QKI: variants seen among roughly 807,000 people sequenced by gnomAD.
The protein encoded by QKI is KH domain-containing RNA-binding protein QKI.
QKI carries 10 observed loss-of-function variants against 39.0 expected under a neutral mutation model. The observed-to-expected ratio is 0.26, with a 90% CI of 0.16 to 0.43. The LOEUF is 0.43. Among genes scored for constraint, QKI ranks in the 20% least tolerant of loss-of-function variants. The probability of loss-of-function intolerance (pLI) is 1.00; values close to 1 mark genes in which losing one functional copy is unlikely to be tolerated. For missense variants in QKI, 218 were observed against 428.0 expected, an observed-to-expected ratio of 0.51 and a Z score of 4.33; for synonymous variants, 204 against 155.4, an observed-to-expected ratio of 1.31 and a Z score of -2.33.
chr6:163,567,453 G>A, intron 7 of QKI: 1 of 985,022 alleles, frequency 1.0e-6, no homozygotes, highest in Non-Finnish European at 1.2e-6. Context: ...GTCATTTGCT[G>A]CTAAAATATA....
At chr6:163,510,829 A>T (rs1451820744) in intron 3 of QKI, among the ~76,000 whole-genome samples, 2 of 150,860 alleles carry the variant, frequency 1.3e-5, no homozygotes, top group East Asian at 3.9e-4. Flanking sequence ...AGGCAGAAAT[A>T]GTTCCACAAT....
intron 4 of QKI, among the ~76,000 whole-genome samples, chr6:163,549,726 A>C (rs930947394): frequency 6.6e-6 from 1 of 152,168 alleles, no homozygotes; most frequent in Non-Finnish European, 1.5e-5. Context: ...AAACAAACAA[A>C]ACAAAAACAT....
At chr6:163,566,861 C>T in intron 7 of QKI, 66 bp downstream of exon 7, 1 of 1,576,800 alleles carries the variant, frequency 6.3e-7, no homozygotes, top group Non-Finnish European at 8.6e-7. Flanking sequence ...TTTGCAACAC[C>T]ACACCTGATG....
intron 4 of QKI, among the ~76,000 whole-genome samples, chr6:163,552,954 C>A (rs1012088555): frequency 6.6e-6 from 1 of 151,918 alleles, no homozygotes; most frequent in Non-Finnish European, 1.5e-5. Flanking sequence ...CACCACCACT[C>A]CCGCCACAGT....
chr6:163,512,703 A>G (rs539993846), intron 3 of QKI, among the ~76,000 whole-genome samples: 53 of 152,240 alleles, frequency 3.5e-4, no homozygotes, highest in African/African-American at 1.1e-3. Flanking sequence ...ACATTATTTT[A>G]AAGTGTACAT....
chr6:163,492,086 G>A (rs1039183863), intron 3 of QKI, among the ~76,000 whole-genome samples: 3 of 152,160 alleles, frequency 2.0e-5, no homozygotes, highest in Non-Finnish European at 4.4e-5. Flanking sequence ...AGAGGATTCA[G>A]CTCTCTGTTG....
intron 1 of QKI, among the ~76,000 whole-genome samples, chr6:163,428,319 T>A (rs1788564349): frequency 6.6e-6 from 1 of 152,208 alleles, no homozygotes; most frequent in African/African-American, 2.4e-5. Flanking sequence ...ACAACTCAGT[T>A]GTTTGAAGGG....
In QKI at chr6:163,571,880, A is replaced by C. The variant is rs181661079; in HGVS notation, c.*1170A>C. 5 of 152,124 alleles carry C rather than the reference A, an allele frequency of 3.3e-5. No homozygotes were observed. Among genetic ancestry groups the C allele is most frequent in the African/African-American group, 1.2e-4 (5 of 41,426 alleles). 9.4% of individuals were successfully genotyped at this position (152,124 alleles called of 1,614,324 possible). A position where few individuals can be genotyped will look rare whatever the true frequency, so the allele number is the denominator to read the frequency against. The stretch of plus-strand genomic sequence containing the variant: ...AAAAGAAAGTGCCTTATTTTCCTTC[A>C]TGGTCATTCAGTCAAGTGTCTCATA... On this transcript the variant is annotated 3_prime_UTR_variant, in exon 8 of 8. Coordinates refer to ENST00000361752, the MANE Select transcript of QKI (RefSeq NM_006775.3).
intron 1 of QKI, among the ~76,000 whole-genome samples, chr6:163,446,845 C>G (rs1185086645): frequency 6.6e-6 from 1 of 152,168 alleles, no homozygotes. Context: ...ATTTTACTTT[C>G]TGTGTCTACT....
At chr6:163,521,473 G>A (rs1259613091) in intron 3 of QKI, among the ~76,000 whole-genome samples, 2 of 152,080 alleles carry the variant, frequency 1.3e-5, no homozygotes, top group Admixed American at 1.3e-4. Context: ...AAGGTTGAAA[G>A]TCATTACCAA....
intron 4 of QKI, among the ~76,000 whole-genome samples, chr6:163,560,565 G>C (rs1192755840): frequency 6.6e-6 from 1 of 152,142 alleles, no homozygotes; most frequent in Non-Finnish European, 1.5e-5. Context: ...GATGGAGGAA[G>C]TGGGAATATG....
At chr6:163,439,656 CTTTTTTT>C (rs375640583) in intron 1 of QKI, among the ~76,000 whole-genome samples, 6 of 124,250 alleles carry the variant, frequency 4.8e-5, no homozygotes, top group Admixed American at 2.5e-4. Context: ...GTCCTGAATC[CTTTTTTT>C]TTTTTTTTTT....
In QKI at chr6:163,570,663, G is replaced by GT. The variant is rs753074309; in HGVS notation, c.1010-27dup. The stretch of plus-strand genomic sequence containing the variant: ...CTCTATCTTTTCTTTTCTTTTTTTT[G>GT]TTTTGTTTTTTTTTGTTTCTAACCA... On this transcript the variant is annotated intron_variant, in intron 7 of 7. Coordinates refer to ENST00000361752, the MANE Select transcript of QKI (RefSeq NM_006775.3). 43 of 1,592,948 alleles carry GT rather than the reference G, an allele frequency of 2.7e-5. No homozygotes were observed. In the East Asian group the frequency reaches 9.2e-4, roughly 34 times the overall value.
intron 4 of QKI, among the ~76,000 whole-genome samples, chr6:163,539,886 C>CT (rs1048870720): frequency 1.3e-4 from 19 of 151,696 alleles, no homozygotes; most frequent in Non-Finnish European, 1.0e-4. Context: ...TTCTAATAGG[C>CT]TTTTTTTTAA....
intron 7 of QKI, chr6:163,568,450 T>C: frequency 1.0e-6 from 1 of 985,658 alleles, no homozygotes; most frequent in Non-Finnish European, 1.2e-6. Flanking sequence ...TTTTGATTAG[T>C]CCTGTCACTG....
rs774635795 is a variant in QKI, at chr6:163,415,352, C to T, written c.142+17C>T. 5.1e-6 allele frequency: 8 copies of T among 1,570,922 alleles called. No individual in the cohort carries two copies. Among genetic ancestry groups the T allele is most frequent in the South Asian group, 1.1e-5 (1 of 88,972 alleles). On this transcript the variant is annotated intron_variant, in intron 1 of 7. Transcript: ENST00000361752. ...TGGACGAAGGTGAGCGTCTCCAGGG[C>T]CCCGGCCCCGGCCCGACCCCCGCCG...
chr6:163,458,307 C>A (rs1198897015), intron 2 of QKI, among the ~76,000 whole-genome samples: 1 of 152,148 alleles, frequency 6.6e-6, no homozygotes, highest in African/African-American at 2.4e-5. Flanking sequence ...TTAAACCTCT[C>A]ACAAGATTAT....
At position 163,452,738 on chromosome 6, in the gene QKI, A is replaced by AT. The variant is rs1790664773; in HGVS notation, c.143-2534dup. 3.3e-5 allele frequency among the ~76,000 whole-genome samples: 5 copies of AT among 152,054 alleles called. 1 individual carries two copies. The highest frequency in any genetic ancestry group is 2.1e-4 in the South Asian group (1 of 4,818). On this transcript the variant is annotated intron_variant, in intron 1 of 7. Transcript: ENST00000361752. Reference sequence around the variant, plus strand: ...TGTTTTATACATTTTCTTTTTATTTATTTTTTTAGACAGTTTTTTGCTCTT... The same window carrying AT: ...TGTTTTATACATTTTCTTTTTATTTATTTTTTTTAGACAGTTTTTTGCTCTT...
At chr6:163,568,118 C>G (rs1458251755) in intron 7 of QKI, 1 of 985,256 alleles carries the variant, frequency 1.0e-6, no homozygotes, top group African/African-American at 1.7e-5. Context: ...GAGCACGTCT[C>G]ATAGGGATGG....
Sources: allele counts gnomAD v4.1 joint callset (sites outside exome capture counted in the v4.1 genomes callset), GRCh38; gene constraint gnomAD v4.1.1; transcripts MANE v1.5; gene names NCBI Gene and HGNC (gene_info 2026-07-23, HGNC 2026-07-21).